Variants in PRKN observed in about 807,000 individuals in gnomAD.
The protein encoded by PRKN is E3 ubiquitin-protein ligase parkin.
In PRKN, 56 loss-of-function variants were observed where a neutral mutation model predicts 59.5. The ratio of observed to expected loss-of-function variants is 0.94; its 90% confidence interval spans 0.76 to 1.18. The LOEUF (loss-of-function observed/expected upper bound fraction) is 1.18, where lower values mean the gene tolerates loss of function less well. PRKN is among the 50% of genes most tolerant of loss of function. PRKN has a pLI of 0.00. For synonymous variants in PRKN, 250 were observed against 222.1 expected (o/e 1.13, Z -1.12); for missense variants, 657 against 596.4 (o/e 1.10, Z -1.06).
chr6:161,520,385 C>T (rs182064066), intron 9 of PRKN, among the ~76,000 whole-genome samples: 38 of 152,048 alleles, frequency 2.5e-4, no homozygotes, highest in African/African-American at 8.2e-4. Flanking sequence ...TCACCAGGCC[C>T]GGCTAATTTT....
chr6:161,681,609 C>T (rs1415441434), intron 7 of PRKN, among the ~76,000 whole-genome samples: 1 of 152,146 alleles, frequency 6.6e-6, no homozygotes, highest in Non-Finnish European at 1.5e-5. Context: ...GAGCCATTAT[C>T]CACACTGTGC....
intron 1 of PRKN, among the ~76,000 whole-genome samples, chr6:162,610,570 T>C (rs1397602738): frequency 2.6e-5 from 4 of 152,108 alleles, no homozygotes; most frequent in East Asian, 3.9e-4. Context: ...ATAGTAACCA[T>C]AGCAACAAAG....
intron 2 of PRKN, among the ~76,000 whole-genome samples, chr6:162,385,265 A>T (rs1196929797): frequency 6.6e-6 from 1 of 152,180 alleles, no homozygotes; most frequent in Non-Finnish European, 1.5e-5. Flanking sequence ...GATAACATAA[A>T]CACACCAGTT....
In PRKN at chr6:161,428,451, G is replaced by T. The variant is rs910063835; in HGVS notation, c.1084-41574C>A. On this transcript the variant is annotated intron_variant, in intron 9 of 11. Transcript: ENST00000366898. This position sits in a 1 kb window ranked among gnomAD's most constrained non-coding sequence, Gnocchi z 4.0. ...AGGGTCCACACGAGCCTCATGGAGA[G>T]ACAGGCGGCTGCTCCGTCCATCTTC... 6.6e-6 allele frequency among the ~76,000 whole-genome samples: 1 copy of T among 152,118 alleles called. No homozygotes were observed. Among genetic ancestry groups the T allele is most frequent in the African/African-American group, 2.4e-5 (1 of 41,398 alleles).
Position 162,576,308 on chromosome 6 carries a change from T to C in PRKN, c.8-132835A>G, listed in dbSNP as rs979135374. Among the ~76,000 whole-genome samples the C allele has an allele frequency of 5.9e-5, 9 of 152,098 alleles. No individual in the cohort carries two copies. The East Asian group carries it at 1.7e-3, about 29-fold the overall frequency. ...AGTTAGACACAATTATTAATAAAAGTCAAATCTCAAAAGGCATGCTGTCTA... is the reference window on the plus strand; with the variant it reads ...AGTTAGACACAATTATTAATAAAAGCCAAATCTCAAAAGGCATGCTGTCTA... On this transcript the variant is annotated intron_variant, in intron 1 of 11. Transcript: ENST00000366898.
intron 1 of PRKN, among the ~76,000 whole-genome samples, chr6:162,690,763 C>T (rs1421620612): frequency 6.6e-6 from 1 of 152,116 alleles, no homozygotes; most frequent in Admixed American, 6.6e-5. Flanking sequence ...CTTTAAGATA[C>T]TAACTAGGTC....
In PRKN at chr6:161,388,110, A is replaced by G. The variant is rs972946549; in HGVS notation, c.1084-1233T>C. On this transcript the variant is annotated intron_variant, in intron 9 of 11. Coordinates refer to ENST00000366898, the MANE Select transcript of PRKN (RefSeq NM_004562.3). The surrounding 1 kb of genome is among the most constrained non-coding windows in gnomAD (Gnocchi z 4.3). ...TGCTCTGAAGTTACTGTCACGGTTG[A>G]GTTGTGGATCAGCAGTGGAACACAC... Among the ~76,000 whole-genome samples the G allele has an allele frequency of 3.9e-5, 6 of 152,134 alleles. No homozygotes were observed. Among genetic ancestry groups the G allele is most frequent in the Non-Finnish European group, 7.4e-5 (5 of 68,016 alleles).
chr6:161,861,592 AT>A (rs1793900947), intron 6 of PRKN, among the ~76,000 whole-genome samples: 1 of 136,482 alleles, frequency 7.3e-6, no homozygotes, highest in African/African-American at 2.9e-5. Context: ...TAAAAGTAAA[AT>A]TTTTTTAAAA....
Position 161,550,615 on chromosome 6 carries a change from T to C in PRKN, c.934-1612A>G, listed in dbSNP as rs186190134. ...AGAATTTTCAGTCAGGTTGGATGCCTGGTGTGAGAGGAAAAGAGGAGTCAA... is the reference window on the plus strand; with the variant it reads ...AGAATTTTCAGTCAGGTTGGATGCCCGGTGTGAGAGGAAAAGAGGAGTCAA... On this transcript the variant is annotated intron_variant, in intron 8 of 11. Transcript: ENST00000366898. The surrounding 1 kb of genome is among the most constrained non-coding windows in gnomAD (Gnocchi z 4.0). 2.1e-4 allele frequency among the ~76,000 whole-genome samples: 32 copies of C among 152,156 alleles called. No homozygotes were observed. Among genetic ancestry groups the C allele is most frequent in the Middle Eastern group, 3.4e-3 (1 of 294 alleles).
chr6:161,949,702 T>C (rs1310296982), intron 6 of PRKN, among the ~76,000 whole-genome samples: 3 of 152,216 alleles, frequency 2.0e-5, no homozygotes, highest in Admixed American at 6.5e-5. Context: ...CTCTCTGTGA[T>C]TCAGCACATG....
Position 161,645,812 on chromosome 6 carries a change from T to G in PRKN, c.872-76396A>C, listed in dbSNP as rs116272820. Among the ~76,000 whole-genome samples, 1,152 of 152,382 alleles carry G rather than the reference T, an allele frequency of 7.6e-3. 12 individuals carry two copies. The highest frequency in any genetic ancestry group is 0.026 in the African/African-American group (1,100 of 41,590). On this transcript the variant is annotated intron_variant, in intron 7 of 11. Transcript: ENST00000366898. ...CAAAGTCATTATACAGATGAAATCA[T>G]GCCAACATGTCCAGTAGAAACAGTC...
chr6:161,830,908 G>A (rs1189525545), intron 6 of PRKN, among the ~76,000 whole-genome samples: 2 of 152,150 alleles, frequency 1.3e-5, no homozygotes, highest in Non-Finnish European at 2.9e-5. Flanking sequence ...GCCTGGAGAG[G>A]AAGATGGCCA....
chr6:162,127,653 T>C (rs1418690902), intron 4 of PRKN, among the ~76,000 whole-genome samples: 2 of 152,200 alleles, frequency 1.3e-5, no homozygotes, highest in South Asian at 2.1e-4. Context: ...AGGGAAAATC[T>C]GCCTTCAAAA....
intron 9 of PRKN, among the ~76,000 whole-genome samples, chr6:161,537,316 A>T (rs751943814): frequency 5.3e-5 from 8 of 152,250 alleles, no homozygotes; most frequent in Non-Finnish European, 1.0e-4. Context: ...ATAAAATTTC[A>T]TCTTATTTCT....
In PRKN at chr6:161,552,593, A is replaced by C. The variant is rs111254176; in HGVS notation, c.934-3590T>G. Among the ~76,000 whole-genome samples, 1 of 150,542 alleles carries C rather than the reference A, an allele frequency of 6.6e-6. No individual in the cohort carries two copies. The highest frequency in any genetic ancestry group is 2.1e-4 in the South Asian group (1 of 4,806). ...CCACATTGAAAAAAAACAAAAACAA[A>C]AAACAAAAAACAAAAAACTTTTTAT... On this transcript the variant is annotated intron_variant, in intron 8 of 11. Transcript: ENST00000366898. This position sits in a 1 kb window ranked among gnomAD's most constrained non-coding sequence, Gnocchi z 4.9.
intron 6 of PRKN, among the ~76,000 whole-genome samples, chr6:161,874,532 AAT>A (rs1298298066): frequency 8.9e-6 from 1 of 111,996 alleles, no homozygotes; most frequent in African/African-American, 4.1e-5. Context: ...TTATATGTAA[AAT>A]ATATATTATG....
At chr6:161,519,785 G>T (rs1778751991) in intron 9 of PRKN, among the ~76,000 whole-genome samples, 1 of 152,176 alleles carries the variant, frequency 6.6e-6, no homozygotes, top group African/African-American at 2.4e-5. Context: ...AATTCTTAGA[G>T]TACCTTAGAG....
At chr6:162,615,406 A>C (rs948694358) in intron 1 of PRKN, among the ~76,000 whole-genome samples, 1 of 151,448 alleles carries the variant, frequency 6.6e-6, no homozygotes, top group Admixed American at 6.6e-5. Context: ...GTAGTTCAAG[A>C]TACCATCTCA....
chr6:161,437,727 T>G (rs1406373193), intron 9 of PRKN, among the ~76,000 whole-genome samples: 1 of 152,210 alleles, frequency 6.6e-6, no homozygotes, highest in Non-Finnish European at 1.5e-5. Flanking sequence ...AAAGGAATAT[T>G]AAATAATGCC....
Sources: gnomAD v4.1 joint callset for allele counts (sites outside exome capture counted in the v4.1 genomes callset) on GRCh38, gnomAD v4.1.1 for gene constraint, Gnocchi (gnomAD v3.1) non-coding constraint, MANE v1.5 for transcripts, NCBI Gene and HGNC (gene_info 2026-07-23, HGNC 2026-07-21) for gene names.